The following IL1RAPL1 variants were observed in gnomAD, a reference collection of about 807,000 sequenced individuals.
IL1RAPL1 encodes interleukin 1 receptor accessory protein like 1, also known as interleukin-1 receptor accessory protein-like 1.
In IL1RAPL1, 3 loss-of-function variants were observed where a neutral mutation model predicts 48.4. The ratio of observed to expected loss-of-function variants is 0.06; its 90% CI spans 0.03 to 0.16. IL1RAPL1 has a LOEUF of 0.16. Among genes scored for constraint, IL1RAPL1 ranks in the 10% least tolerant of loss-of-function variants. The probability of loss-of-function intolerance (pLI) is 1.00; values close to 1 mark genes in which losing one functional copy is unlikely to be tolerated. For missense variants in IL1RAPL1, 349 were observed against 530.6 expected (o/e 0.66, Z 3.36); for synonymous variants, 185 against 187.7 (o/e 0.99, Z 0.12).
chrX:28,894,570 C>T (rs1465330229), intron 2 of IL1RAPL1, among the ~76,000 whole-genome samples: 3 of 110,673 alleles, frequency 2.7e-5, no homozygotes, highest in South Asian at 7.8e-4. Context: ...CTGAAGGAGC[C>T]GGGGAGCAGA....
At chrX:29,954,827 C>A in intron 10 of IL1RAPL1, 135 bp downstream of exon 10, 1 of 579,944 alleles carries the variant, frequency 1.7e-6, no homozygotes, top group South Asian at 2.8e-5. Flanking sequence ...AAAGAAACGT[C>A]TTTGTGTGTT....
intron 1 of IL1RAPL1, among the ~76,000 whole-genome samples, chrX:28,757,408 G>T (rs1457562051): frequency 1.8e-5 from 2 of 112,572 alleles, no homozygotes; most frequent in African/African-American, 3.2e-5. Context: ...TTTATTTCCA[G>T]CCTGTGCTCC....
At chrX:28,595,918 G>A (rs940232863) in intron 1 of IL1RAPL1, among the ~76,000 whole-genome samples, 1 of 111,302 alleles carries the variant, frequency 9.0e-6, no homozygotes, top group Non-Finnish European at 1.9e-5. Context: ...GGGATCTCTA[G>A]GGGTTTTTGA....
intron 5 of IL1RAPL1, among the ~76,000 whole-genome samples, chrX:29,555,273 G>A (rs191502557): frequency 8.9e-6 from 1 of 112,497 alleles, no homozygotes; most frequent in African/African-American, 3.2e-5. Flanking sequence ...CACAGGATCT[G>A]TTTGACCTAC....
intron 5 of IL1RAPL1, among the ~76,000 whole-genome samples, chrX:29,405,102 C>T (rs1030915041): frequency 1.3e-4 from 14 of 109,678 alleles, no homozygotes; most frequent in Non-Finnish European, 1.3e-4. Context: ...TTAGTAGAGA[C>T]GGGGTTTCAC....
chrX:29,429,479 T>C (rs1189245543), intron 5 of IL1RAPL1, among the ~76,000 whole-genome samples: 2 of 111,943 alleles, frequency 1.8e-5, no homozygotes, highest in African/African-American at 6.5e-5. Flanking sequence ...TTTCTTTCCT[T>C]CTCTTTGCCT....
intron 6 of IL1RAPL1, among the ~76,000 whole-genome samples, chrX:29,820,823 C>T (rs1930595795): frequency 8.9e-6 from 1 of 112,022 alleles, no homozygotes; most frequent in Non-Finnish European, 1.9e-5. Flanking sequence ...ATACTTTTAA[C>T]TAATTTTTAT....
intron 2 of IL1RAPL1, among the ~76,000 whole-genome samples, chrX:28,821,078 A>G (rs898870197): frequency 1.8e-5 from 2 of 111,813 alleles, no homozygotes; most frequent in African/African-American, 6.5e-5. Context: ...GGTAAAAAAT[A>G]TTAAAAGAAA....
At chrX:28,853,916 C>T (rs1432732867) in intron 2 of IL1RAPL1, among the ~76,000 whole-genome samples, 1 of 111,437 alleles carries the variant, frequency 9.0e-6, no homozygotes, top group Non-Finnish European at 1.9e-5. Context: ...AGAGAAGGTA[C>T]AATTTGATAA....
rs747256826 is a variant in IL1RAPL1 at position 29,428,684 on chromosome X, T to G, written c.703+29376T>G. Among the ~76,000 whole-genome samples, 142 of 111,835 alleles carry G rather than the reference T, an allele frequency of 1.3e-3. 2 individuals carry two copies. Among genetic ancestry groups the G allele is most frequent in the African/African-American group, 4.3e-3 (131 of 30,759 alleles). Reference sequence around the variant, plus strand: ...TATTCAATCCTAGACCTGAAGAAATTGTGTCCCATGGACAAAGATGAAGGC... The same window carrying G: ...TATTCAATCCTAGACCTGAAGAAATGGTGTCCCATGGACAAAGATGAAGGC... On this transcript the variant is annotated intron_variant, in intron 5 of 10. Coordinates refer to ENST00000378993, the MANE Select transcript of IL1RAPL1 (RefSeq NM_014271.4).
intron 6 of IL1RAPL1, among the ~76,000 whole-genome samples, chrX:29,886,139 G>C (rs1013093384): frequency 1.8e-5 from 2 of 111,879 alleles, no homozygotes; most frequent in African/African-American, 3.2e-5. Flanking sequence ...TCATGATTTA[G>C]CTAAGAAAAT....
chrX:29,129,949 A>G (rs1222112180), intron 2 of IL1RAPL1, among the ~76,000 whole-genome samples: 2 of 111,310 alleles, frequency 1.8e-5, no homozygotes, highest in African/African-American at 6.5e-5. Context: ...TTTTCTAAAG[A>G]ACCCTCATAT....
At chrX:28,996,250 A>C (rs1463199019) in intron 2 of IL1RAPL1, among the ~76,000 whole-genome samples, 1 of 111,606 alleles carries the variant, frequency 9.0e-6, no homozygotes, top group Non-Finnish European at 1.9e-5. Context: ...CATGTAATGT[A>C]ATGTTTTTAA....
chrX:29,605,123 C>CAA (rs1379586601), intron 5 of IL1RAPL1, among the ~76,000 whole-genome samples: 43 of 87,099 alleles, frequency 4.9e-4, no homozygotes, highest in African/African-American at 1.9e-3. Flanking sequence ...CACACACACA[C>CAA]ACACGGAGGG....
chrX:29,222,434 C>T (rs989597304), intron 2 of IL1RAPL1, among the ~76,000 whole-genome samples: 2 of 111,736 alleles, frequency 1.8e-5, no homozygotes, highest in Non-Finnish European at 3.8e-5. Context: ...TGCTCCCAAG[C>T]CTCTGGAACA....
At chrX:29,173,018 A>G (rs1450949435) in intron 2 of IL1RAPL1, among the ~76,000 whole-genome samples, 1 of 111,338 alleles carries the variant, frequency 9.0e-6, no homozygotes, top group Non-Finnish European at 1.9e-5. Context: ...AACCCACCCA[A>G]GGCAACCAAA....
intron 2 of IL1RAPL1, among the ~76,000 whole-genome samples, chrX:29,115,161 A>G (rs1039121432): frequency 3.6e-5 from 4 of 111,749 alleles, no homozygotes; most frequent in African/African-American, 1.3e-4. Flanking sequence ...GTCTAATTTG[A>G]TTATATTGTA....
In IL1RAPL1 at chrX:28,766,043, T is replaced by C. The variant is rs145897977; in HGVS notation, c.-24-23277T>C. On this transcript the variant is annotated intron_variant, in intron 1 of 10. Coordinates refer to ENST00000378993, the MANE Select transcript of IL1RAPL1 (RefSeq NM_014271.4). Reference sequence around the variant, plus strand: ...CAATAGGAAAATGCATACCCTGATATTCATTTTAATGAAAAATTTCAATGA... The same window carrying C: ...CAATAGGAAAATGCATACCCTGATACTCATTTTAATGAAAAATTTCAATGA... Among the ~76,000 whole-genome samples the C allele has an allele frequency of 9.1e-3, 1,012 of 111,672 alleles. 11 individuals are homozygous for C. The highest frequency in any genetic ancestry group is 0.031 in the African/African-American group (964 of 30,765).
chrX:29,185,822 T>C (rs1283034046), intron 2 of IL1RAPL1, among the ~76,000 whole-genome samples: 1 of 105,640 alleles, frequency 9.5e-6, no homozygotes, highest in East Asian at 3.1e-4. Flanking sequence ...TTAGCTGGGC[T>C]CAGGTATCAT....
Sources: allele counts gnomAD v4.1 joint callset (sites outside exome capture counted in the v4.1 genomes callset), GRCh38; gene constraint gnomAD v4.1.1; transcripts MANE v1.5; gene names NCBI Gene and HGNC (gene_info 2026-07-23, HGNC 2026-07-21).